The following VRK2 variants were observed in gnomAD, a reference collection of about 807,000 sequenced individuals.
VRK2 encodes the protein serine/threonine-protein kinase VRK2.
VRK2 carries 60 observed loss-of-function variants against 57.6 expected under a neutral mutation model. The ratio of observed to expected loss-of-function variants is 1.04; its 90% confidence interval spans 0.85 to 1.29. VRK2 has a LOEUF of 1.29. Ranked by LOEUF, VRK2 falls within the 50% of genes most tolerant of loss-of-function variation. The pLI is 0.00. For synonymous variants in VRK2, 231 were observed against 199.2 expected, an observed-to-expected ratio of 1.16 and a Z score of -1.35; for missense variants, 705 against 588.1, an observed-to-expected ratio of 1.20 and a Z score of -2.06.
At chr2:57,942,610 T>A (rs934292608) in intron 1 of VRK2, among the ~76,000 whole-genome samples, 1 of 152,234 alleles carries the variant, frequency 6.6e-6, no homozygotes, top group East Asian at 1.9e-4. Context: ...GTATGCTTTT[T>A]AAATAACTGT....
At chr2:58,137,260 G>C (rs940781207) in intron 10 of VRK2, among the ~76,000 whole-genome samples, 2,273 of 21,270 alleles carry the variant, frequency 0.11, 122 homozygotes, top group African/African-American at 0.27. Flanking sequence ...TGATATATAT[G>C]ATATATATGT....
At chr2:58,016,014 A>C (rs12999272) in intron 1 of VRK2, among the ~76,000 whole-genome samples, 1 of 151,468 alleles carries the variant, frequency 6.6e-6, no homozygotes, top group African/African-American at 2.4e-5. Flanking sequence ...GTTTTCTTTG[A>C]TGATTGGTTC....
chr2:58,089,519 G>A (rs188790680), intron 6 of VRK2, 112 bp from the exon 7 acceptor site: 9 of 539,472 alleles, frequency 1.7e-5, no homozygotes, highest in African/African-American at 3.9e-5. Context: ...GAAATACATC[G>A]CTTTGTCAAT....
intron 1 of VRK2, among the ~76,000 whole-genome samples, chr2:57,953,330 A>G (rs1671485083): frequency 6.6e-6 from 1 of 152,186 alleles, no homozygotes; most frequent in Non-Finnish European, 1.5e-5. Context: ...TTGTCATAAC[A>G]TATCTTTATG....
intron 7 of VRK2, among the ~76,000 whole-genome samples, chr2:58,101,723 G>A (rs894211783): frequency 6.6e-6 from 1 of 151,630 alleles, no homozygotes. Context: ...CTGGTTGTTA[G>A]CTAAAATCTG....
At chr2:58,001,878 T>C (rs541182425) in intron 1 of VRK2, among the ~76,000 whole-genome samples, 48 of 152,200 alleles carry the variant, frequency 3.2e-4, no homozygotes, top group African/African-American at 1.1e-3. Context: ...GGAGACTTTA[T>C]TTTCTTCCAT....
intron 1 of VRK2, among the ~76,000 whole-genome samples, chr2:58,010,224 C>T (rs1452918537): frequency 6.6e-6 from 1 of 152,116 alleles, no homozygotes; most frequent in Non-Finnish European, 1.5e-5. Flanking sequence ...TTGGGCAAAT[C>T]ACTTAATTTG....
chr2:58,005,569 C>T (rs1288172573), intron 1 of VRK2, among the ~76,000 whole-genome samples: 2 of 150,788 alleles, frequency 1.3e-5, no homozygotes, highest in African/African-American at 4.9e-5. Flanking sequence ...AATGTTGATG[C>T]AAAACAAATC....
rs902830517 is a variant in VRK2, at chr2:58,131,872, A to G, written c.741A>G (p.Lys247=). Reference sequence around the variant, plus strand: ...GCATGCTGCGGTGGTTGTGTGGGAAACTTCCCTGGGAACAGAACCTGAAGG... The same window carrying G: ...GCATGCTGCGGTGGTTGTGTGGGAAGCTTCCCTGGGAACAGAACCTGAAGG... ...GYCMLRWLCG[K]LPWEQNLKDP... Residue 247 remains lysine (K), a synonymous_variant, in exon 9 of 13, where the codon AAA becomes AAG. Coordinates refer to ENST00000340157, the MANE Select transcript of VRK2 (RefSeq NM_006296.7). The G allele has an allele frequency of 1.9e-6, 3 of 1,613,958 alleles. No homozygotes were observed. The highest frequency in any genetic ancestry group is 1.7e-5 in the Admixed American group (1 of 59,974).
In VRK2 at chr2:58,084,905, T is replaced by C. The variant is rs1247407305; in HGVS notation, c.211T>C (p.Phe71Leu). Residue 71 changes from phenylalanine to leucine, a missense_variant, in exon 4 of 13, where the codon TTT (phenylalanine) becomes CTT (leucine). Transcript: ENST00000340157. ...GGAATATCAAGAAAATGGCCCGTTA[T>C]TTTCAGAACTTAAATTTTATCAGAG... ...KVEYQENGPLFSELKFYQRVA... is the reference protein window; with the variant it reads ...KVEYQENGPLLSELKFYQRVA... 6 of 1,587,354 alleles carry C rather than the reference T, an allele frequency of 3.8e-6. No homozygotes were observed. Among genetic ancestry groups the C allele is most frequent in the Middle Eastern group, 1.7e-4 (1 of 5,948 alleles).
At chr2:57,957,562 GTAGA>G (rs1671624612) in intron 1 of VRK2, among the ~76,000 whole-genome samples, 1 of 147,834 alleles carries the variant, frequency 6.8e-6, no homozygotes. Flanking sequence ...AAAAGTATAT[GTAGA>G]TATATATACT....
At chr2:58,157,231 G>T (rs912836156) in intron 12 of VRK2, among the ~76,000 whole-genome samples, 2 of 152,116 alleles carry the variant, frequency 1.3e-5, no homozygotes, top group Non-Finnish European at 2.9e-5. Context: ...AGATTTTCAT[G>T]GCCAGAGTGG....
chr2:58,138,075 T>C (rs1237003941), intron 10 of VRK2, among the ~76,000 whole-genome samples: 1 of 152,216 alleles, frequency 6.6e-6, no homozygotes, highest in Admixed American at 6.5e-5. Flanking sequence ...TTTTCCATTG[T>C]CTTGTAACAG....
At chr2:58,131,732 A>G in intron 8 of VRK2, 76 bp from the exon 9 acceptor site, 2 of 1,467,412 alleles carry the variant, frequency 1.4e-6, no homozygotes, top group Non-Finnish European at 1.8e-6. Context: ...CATCAGTAGT[A>G]GTTCAACCAA....
At chr2:57,949,651 C>A (rs1042963753) in intron 1 of VRK2, among the ~76,000 whole-genome samples, 1 of 152,096 alleles carries the variant, frequency 6.6e-6, no homozygotes, top group African/African-American at 2.4e-5. Flanking sequence ...CAATTAATAA[C>A]CCTACAATGG....
At chr2:58,087,450 A>G (rs1205051979) in intron 5 of VRK2, among the ~76,000 whole-genome samples, 1 of 152,198 alleles carries the variant, frequency 6.6e-6, no homozygotes, top group Admixed American at 6.5e-5. Flanking sequence ...ATACTATTGA[A>G]AAAAGTAAGA....
intron 7 of VRK2, among the ~76,000 whole-genome samples, chr2:58,113,810 C>A (rs72951082): frequency 6.6e-6 from 1 of 152,144 alleles, no homozygotes; most frequent in African/African-American, 2.4e-5. Context: ...GGGCGTATAC[C>A]TGCAACTCAC....
chr2:57,932,156 A>T (rs1670749097), intron 1 of VRK2, among the ~76,000 whole-genome samples: 1 of 151,750 alleles, frequency 6.6e-6, no homozygotes, highest in African/African-American at 2.4e-5. Context: ...TATATATAGC[A>T]TTTTTTTTCC....
chr2:58,119,852 A>G (rs535881119), intron 7 of VRK2, among the ~76,000 whole-genome samples: 1 of 151,910 alleles, frequency 6.6e-6, no homozygotes, highest in Non-Finnish European at 1.5e-5. Context: ...TAGGAAAAAA[A>G]GGTTTATATG....
Sources: allele counts gnomAD v4.1 joint callset (sites outside exome capture counted in the v4.1 genomes callset), GRCh38; gene constraint gnomAD v4.1.1; transcripts MANE v1.5; gene names NCBI Gene and HGNC (gene_info 2026-07-23, HGNC 2026-07-21).